KIF6: variants seen among roughly 807,000 people sequenced by gnomAD.
KIF6 encodes the protein kinesin family member 6.
In KIF6, 106 loss-of-function variants were observed where a neutral mutation model predicts 112.7. The observed-to-expected ratio is 0.94, with a 90% CI of 0.80 to 1.11. The LOEUF (loss-of-function observed/expected upper bound fraction) is 1.11, where lower values mean the gene tolerates loss of function less well. Among genes scored for constraint, KIF6 ranks in the 50% least tolerant of loss-of-function variants. The pLI, the probability that KIF6 is intolerant of heterozygous loss-of-function variation, is 0.00. For missense variants in KIF6, 929 were observed against 964.0 expected (o/e 0.96, Z 0.48); for synonymous variants, 339 against 339.9 (o/e 1.00, Z 0.03).
chr6:39,355,044 T>G (rs140920749), intron 19 of KIF6, among the ~76,000 whole-genome samples: 1 of 152,066 alleles, frequency 6.6e-6, no homozygotes, highest in South Asian at 2.1e-4. Flanking sequence ...AAATTAGCCA[T>G]GTATGGTGGC....
chr6:39,642,916 T>C (rs1252920069), intron 3 of KIF6, among the ~76,000 whole-genome samples: 3 of 152,108 alleles, frequency 2.0e-5, no homozygotes, highest in Non-Finnish European at 4.4e-5. Flanking sequence ...ATTGAAGGTA[T>C]GCCCCAACAA....
At chr6:39,576,380 TC>T (rs1780976701) in intron 10 of KIF6, among the ~76,000 whole-genome samples, 2 of 152,170 alleles carry the variant, frequency 1.3e-5, no homozygotes, top group Admixed American at 1.3e-4. Context: ...CGCCTCAGCC[TC>T]CCAAAGTGCT....
chr6:39,655,222 G>A (rs553368509), intron 3 of KIF6, among the ~76,000 whole-genome samples: 15 of 152,042 alleles, frequency 9.9e-5, no homozygotes, highest in African/African-American at 2.4e-4. Context: ...TTATATTCAC[G>A]TTAAGCATAC....
intron 15 of KIF6, among the ~76,000 whole-genome samples, chr6:39,398,201 G>A (rs72850620): frequency 0.035 from 5,302 of 152,222 alleles, 208 homozygotes; most frequent in East Asian, 0.22. Context: ...TCACATAAAG[G>A]CGTAATCCTT....
At chr6:39,345,066 C>T (rs1763598611) in intron 21 of KIF6, among the ~76,000 whole-genome samples, 1 of 152,258 alleles carries the variant, frequency 6.6e-6, no homozygotes. Context: ...CTTGCCTGGC[C>T]TTGCCAACTT....
chr6:39,528,647 C>T (rs1777875304), intron 13 of KIF6, among the ~76,000 whole-genome samples: 1 of 152,204 alleles, frequency 6.6e-6, no homozygotes, highest in Non-Finnish European at 1.5e-5. Flanking sequence ...CATCTCTTGT[C>T]TTTTTGATAA....
intron 6 of KIF6, among the ~76,000 whole-genome samples, chr6:39,598,577 A>G (rs915885138): frequency 3.0e-4 from 45 of 147,948 alleles, no homozygotes; most frequent in East Asian, 1.4e-3. Context: ...ATACATATAT[A>G]TGTGTGTGTG....
intron 15 of KIF6, among the ~76,000 whole-genome samples, chr6:39,415,169 AGAGTGAAACTCT>A (rs1769813678): frequency 6.6e-6 from 1 of 152,180 alleles, no homozygotes. Flanking sequence ...CCTGGATGAC[AGAGTGAAACTCT>A]GTCTCAAAAC....
chr6:39,648,031 T>C (rs569093286), intron 3 of KIF6, among the ~76,000 whole-genome samples: 4 of 146,338 alleles, frequency 2.7e-5, no homozygotes, highest in Non-Finnish European at 6.0e-5. Context: ...AACTTTCTTT[T>C]TTTTTTTTTT....
chr6:39,651,639 AT>A (rs1785476519), intron 3 of KIF6, among the ~76,000 whole-genome samples: 1 of 152,212 alleles, frequency 6.6e-6, no homozygotes, highest in Non-Finnish European at 1.5e-5. Context: ...TACTTGCCAA[AT>A]AAGACCTTAT....
intron 13 of KIF6, among the ~76,000 whole-genome samples, chr6:39,470,053 C>T (rs1774024172): frequency 6.6e-6 from 1 of 152,046 alleles, no homozygotes; most frequent in Non-Finnish European, 1.5e-5. Flanking sequence ...ATGTCTTTGA[C>T]CATAAAACAA....
chr6:39,660,193 T>G (rs1786051092), intron 3 of KIF6, among the ~76,000 whole-genome samples: 1 of 152,172 alleles, frequency 6.6e-6, no homozygotes, highest in African/African-American at 2.4e-5. Flanking sequence ...GAAGTTGTAT[T>G]ATTTATTCCC....
At chr6:39,643,050 T>G (rs543319796) in intron 3 of KIF6, among the ~76,000 whole-genome samples, 2 of 152,336 alleles carry the variant, frequency 1.3e-5, no homozygotes, top group African/African-American at 4.8e-5. Context: ...GCTCAGTTTT[T>G]GTTTATCTTG....
In KIF6 at chr6:39,524,866, A is replaced by G. The variant is rs76862737; in HGVS notation, c.1645+15137T>C. On this transcript the variant is annotated intron_variant, in intron 13 of 22. Coordinates refer to ENST00000287152, the MANE Select transcript of KIF6 (RefSeq NM_145027.6). ...TCAGACTTTGCTCCCCCAGGAATCC[A>G]GCCTACTAATATATGGGGAAATGCA... Among the ~76,000 whole-genome samples the G allele has an allele frequency of 1.1e-3, 175 of 152,334 alleles. 5 individuals carry two copies. In the East Asian group the frequency reaches 0.029, roughly 25 times the overall value.
At chr6:39,531,098 C>A (rs972640609) in intron 13 of KIF6, among the ~76,000 whole-genome samples, 1 of 152,080 alleles carries the variant, frequency 6.6e-6, no homozygotes, top group Non-Finnish European at 1.5e-5. Context: ...TGTGAGCCTA[C>A]CTCTGCTTAA....
chr6:39,373,792 A>C (rs1204001914), intron 16 of KIF6, among the ~76,000 whole-genome samples: 1 of 152,218 alleles, frequency 6.6e-6, no homozygotes, highest in Non-Finnish European at 1.5e-5. Context: ...TTGTTAAAAT[A>C]TTCATACTAC....
At chr6:39,507,631 T>TC (rs1238068028) in intron 13 of KIF6, among the ~76,000 whole-genome samples, 5,699 of 30,218 alleles carry the variant, frequency 0.19, 659 homozygotes, top group Admixed American at 0.24. Flanking sequence ...TCCTTTCCTT[T>TC]CCTTTCCCCT....
At chr6:39,583,552 G>T in intron 9 of KIF6, 1 of 463,538 alleles carries the variant, frequency 2.2e-6, no homozygotes, top group Non-Finnish European at 4.5e-6. Flanking sequence ...CTTCCATGGG[G>T]AGAAAGAGGA....
intron 14 of KIF6, among the ~76,000 whole-genome samples, chr6:39,424,999 G>A (rs755295613): frequency 1.8e-4 from 27 of 152,186 alleles, no homozygotes; most frequent in Non-Finnish European, 3.4e-4. Flanking sequence ...CTGCTGTGGG[G>A]TGTGTCAGGC....
Sources: allele counts gnomAD v4.1 joint callset (sites outside exome capture counted in the v4.1 genomes callset), GRCh38; gene constraint gnomAD v4.1.1; transcripts MANE v1.5; gene names NCBI Gene and HGNC (gene_info 2026-07-23, HGNC 2026-07-21).